Variants in CUX1 observed in about 807,000 individuals in gnomAD.
The protein encoded by CUX1 is protein CASP.
In CUX1, 31 loss-of-function variants were observed where a neutral mutation model predicts 158.8. The observed-to-expected ratio is 0.20, with a 90% CI of 0.15 to 0.26. The LOEUF (loss-of-function observed/expected upper bound fraction) is 0.26. Among genes scored for constraint, CUX1 ranks in the 10% least tolerant of loss-of-function variants. The pLI is 1.00. For synonymous variants in CUX1, 879 were observed against 862.1 expected (o/e 1.02, Z -0.34); for missense variants, 1,589 against 2,014.6 (o/e 0.79, Z 4.04).
intron 3 of CUX1, among the ~76,000 whole-genome samples, chr7:102,064,276 C>T (rs1335076170): frequency 1.3e-5 from 2 of 152,076 alleles, no homozygotes; most frequent in Non-Finnish European, 1.5e-5. Flanking sequence ...TCTTGAACTC[C>T]TGGGCTCAAG....
At chr7:101,957,471 A>G (rs1365402841) in intron 2 of CUX1, among the ~76,000 whole-genome samples, 1 of 152,212 alleles carries the variant, frequency 6.6e-6, no homozygotes, top group East Asian at 1.9e-4. Context: ...CTGTAATCCC[A>G]GCACTTTGGG....
At chr7:101,980,680 AC>A (rs1813321070) in intron 2 of CUX1, among the ~76,000 whole-genome samples, 1 of 151,880 alleles carries the variant, frequency 6.6e-6, no homozygotes, top group African/African-American at 2.4e-5. Context: ...GACATAAACC[AC>A]CTTCTTCTGC....
At chr7:102,095,998 C>T (rs949851249) in intron 4 of CUX1, among the ~76,000 whole-genome samples, 3 of 152,238 alleles carry the variant, frequency 2.0e-5, no homozygotes, top group Admixed American at 1.3e-4. Flanking sequence ...ACAGTAAAGG[C>T]GAGAGCCGTG....
In CUX1 at chr7:102,200,015, G is replaced by A. The variant is rs546948413; in HGVS notation, c.1961-56G>A. On this transcript the variant is annotated intron_variant, in intron 16 of 23. Coordinates refer to ENST00000292535, the MANE Select transcript of CUX1 (RefSeq NM_181552.4). ...TATCAGAATGACGTCTTCGCGCAGCGCTGATTTTTGTCCGGGGTTTGGGTT... is the reference window on the plus strand; with the variant it reads ...TATCAGAATGACGTCTTCGCGCAGCACTGATTTTTGTCCGGGGTTTGGGTT... 1.3e-4 allele frequency: 190 copies of A among 1,463,524 alleles called. No individual in the cohort carries two copies. In the African/African-American group the frequency reaches 2.0e-3, roughly 15 times the overall value. The allele number at this position is 1,463,524 out of a possible 1,614,324, so 90.7% of individuals were successfully genotyped here.
In CUX1 at chr7:102,123,208, G is replaced by T. The variant is rs1471528230; in HGVS notation, c.674+7935G>T. On this transcript the variant is annotated intron_variant, in intron 8 of 23. Transcript: ENST00000292535. ...ATCGCGCCACTACACTCCAGCCTGG[G>T]CAATAGAGTTAGACTCTGTCTCAAA... Among the ~76,000 whole-genome samples the T allele has an allele frequency of 6.6e-5, 10 of 151,850 alleles. No individual in the cohort carries two copies. The East Asian group carries it at 1.9e-3, about 29-fold the overall frequency.
At chr7:102,213,524 C>T (rs1287248743) in intron 20 of CUX1, among the ~76,000 whole-genome samples, 1 of 152,214 alleles carries the variant, frequency 6.6e-6, no homozygotes, top group Admixed American at 6.5e-5. Context: ...CCTGGTGCTC[C>T]CTGGTTTCCC....
At chr7:101,955,901 AG>A (rs1472806888) in intron 2 of CUX1, among the ~76,000 whole-genome samples, 3 of 142,098 alleles carry the variant, frequency 2.1e-5, no homozygotes, top group East Asian at 3.9e-4. Context: ...TAAAAAAAAA[AG>A]GCTGGGCCCT....
In CUX1 at chr7:101,888,958, A is replaced by G. The variant is rs183648912; in HGVS notation, c.31-27157A>G. Among the ~76,000 whole-genome samples, 92 of 151,824 alleles carry G rather than the reference A, an allele frequency of 6.1e-4. 1 individual carries two copies. Among genetic ancestry groups the G allele is most frequent in the Admixed American group, 3.1e-3 (48 of 15,242 alleles). On this transcript the variant is annotated intron_variant, in intron 1 of 23. Transcript: ENST00000292535. ...ACCCTACAAAGTTGGTATCACCTCTATTTTGCATATCAGAAAACTGATGCT... is the reference window on the plus strand; with the variant it reads ...ACCCTACAAAGTTGGTATCACCTCTGTTTTGCATATCAGAAAACTGATGCT...
chr7:102,104,520 A>G, intron 6 of CUX1, 61 bp downstream of exon 6: 1 of 1,583,156 alleles, frequency 6.3e-7, no homozygotes, highest in Non-Finnish European at 8.6e-7. Flanking sequence ...ACTTCACATC[A>G]TCAGACATGT....
At chr7:101,897,942 G>A (rs1309338687) in intron 1 of CUX1, among the ~76,000 whole-genome samples, 1 of 152,102 alleles carries the variant, frequency 6.6e-6, no homozygotes, top group East Asian at 1.9e-4. Context: ...TGCAGTACCA[G>A]TGCTTGAAAT....
chr7:101,894,310 G>A lies in CUX1; in HGVS notation c.31-21805G>A, dbSNP rs568243993. On this transcript the variant is annotated intron_variant, in intron 1 of 23. Transcript: ENST00000292535. ...ACTGAATTATGGTGCAGTTTTTTTG[G>A]TTTTTTGTTTGTTTGTTTTTTGAGA... Among the ~76,000 whole-genome samples the A allele has an allele frequency of 2.0e-5, 3 of 152,268 alleles. No homozygotes were observed. In the East Asian group the frequency reaches 5.8e-4, roughly 29 times the overall value.
chr7:102,093,544 C>A (rs1828872488), intron 4 of CUX1, among the ~76,000 whole-genome samples: 1 of 152,148 alleles, frequency 6.6e-6, no homozygotes, highest in Non-Finnish European at 1.5e-5. Context: ...GGGCTTCTTT[C>A]CTTTTTCTTT....
chr7:102,113,733 T>C (rs1391717474), intron 7 of CUX1, among the ~76,000 whole-genome samples: 1 of 152,094 alleles, frequency 6.6e-6, no homozygotes, highest in African/African-American at 2.4e-5. Context: ...ACTTTTTTTT[T>C]CATTATTTCT....
chr7:102,183,196 T>C (rs1458951692), intron 11 of CUX1, among the ~76,000 whole-genome samples: 1 of 152,204 alleles, frequency 6.6e-6, no homozygotes, highest in Non-Finnish European at 1.5e-5. Context: ...GTATTTTTAG[T>C]AGAGACAGGG....
chr7:101,903,276 A>C (rs1802355580), intron 1 of CUX1, among the ~76,000 whole-genome samples: 1 of 152,100 alleles, frequency 6.6e-6, no homozygotes, highest in African/African-American at 2.4e-5. Context: ...GTCCCACTTT[A>C]ACAGGAGGCA....
chr7:102,054,035 T>A (rs1001200083), intron 3 of CUX1, among the ~76,000 whole-genome samples: 1 of 152,128 alleles, frequency 6.6e-6, no homozygotes, highest in African/African-American at 2.4e-5. Flanking sequence ...CCCGAACTCC[T>A]GACCTCAGGT....
intron 1 of CUX1, among the ~76,000 whole-genome samples, chr7:101,878,496 G>A (rs1050725140): frequency 1.3e-5 from 2 of 152,164 alleles, no homozygotes; most frequent in Non-Finnish European, 2.9e-5. Flanking sequence ...GGCCCTGTGC[G>A]CCTGAGCCCA....
rs547435213 is a variant in CUX1 at position 102,064,883 on chromosome 7, G to A, written c.190-5456G>A. Reference sequence around the variant, plus strand: ...CCAGGAACCCAGCTCGAGGTCTGGAGGAAGTGATGTGTGCATTGGGTCTTG... The same window carrying A: ...CCAGGAACCCAGCTCGAGGTCTGGAAGAAGTGATGTGTGCATTGGGTCTTG... On this transcript the variant is annotated intron_variant, in intron 3 of 23. Transcript: ENST00000292535. Among the ~76,000 whole-genome samples the A allele has an allele frequency of 2.6e-5, 4 of 152,304 alleles. No homozygotes were observed. In the South Asian group the frequency reaches 8.3e-4, roughly 32 times the overall value.
At chr7:102,121,088 A>G (rs1831980437) in intron 8 of CUX1, among the ~76,000 whole-genome samples, 1 of 152,134 alleles carries the variant, frequency 6.6e-6, no homozygotes. Flanking sequence ...TAATTTTTAA[A>G]AGGAGGGGAG....
Sources: gnomAD v4.1 joint callset for allele counts (sites outside exome capture counted in the v4.1 genomes callset) on GRCh38, gnomAD v4.1.1 for gene constraint, MANE v1.5 for transcripts, NCBI Gene and HGNC (gene_info 2026-07-23, HGNC 2026-07-21) for gene names.